The following PDE1C variants were observed in gnomAD, a reference collection of about 807,000 sequenced individuals.
The protein encoded by PDE1C is phosphodiesterase 1C, also known as dual specificity calcium/calmodulin-dependent 3',5'-cyclic nucleotide phosphodiesterase 1C.
Under a neutral mutation model 93.1 loss-of-function variants are expected in PDE1C, and 62 were observed. The ratio of observed to expected loss-of-function variants is 0.67; its 90% CI spans 0.54 to 0.82. PDE1C has a LOEUF of 0.82. Among genes scored for constraint, PDE1C ranks in the 40% least tolerant of loss-of-function variants. The probability of loss-of-function intolerance (pLI) is 0.00; values close to 1 mark genes in which losing one functional copy is unlikely to be tolerated. For missense variants in PDE1C, 742 were observed against 884.6 expected (o/e 0.84, Z 2.04); for synonymous variants, 325 against 310.1 (o/e 1.05, Z -0.50).
intron 17 of PDE1C, among the ~76,000 whole-genome samples, chr7:31,771,716 T>C (rs1181845444): frequency 6.6e-6 from 1 of 152,204 alleles, no homozygotes; most frequent in Non-Finnish European, 1.5e-5. Flanking sequence ...TCTTTTGATG[T>C]ATAAAAAGTT....
At chr7:31,626,717 T>C in the PDE1C span, among the ~76,000 whole-genome samples, 5 of 151,926 alleles carry the variant, frequency 3.3e-5, no homozygotes, top group Non-Finnish European at 7.3e-5. Flanking sequence ...CCAAAACTCT[T>C]GTTGTGGCAG....
At chr7:32,418,699 C>A (rs1415368753) in intron 1 of PDE1C, among the ~76,000 whole-genome samples, 1 of 152,160 alleles carries the variant, frequency 6.6e-6, no homozygotes, top group Non-Finnish European at 1.5e-5. Flanking sequence ...GAAGAAGGTA[C>A]TGAGTTATTA....
intron 1 of PDE1C, among the ~76,000 whole-genome samples, chr7:32,424,838 T>C (rs564450579): frequency 6.6e-6 from 1 of 151,726 alleles, no homozygotes; most frequent in East Asian, 1.9e-4. Context: ...AAAACTAAAA[T>C]AAAAATAAAT....
chr7:32,113,193 C>T (rs756746144), intron 3 of PDE1C, among the ~76,000 whole-genome samples: 34 of 133,292 alleles, frequency 2.6e-4, no homozygotes, highest in Non-Finnish European at 4.4e-4. Flanking sequence ...TAGTTCCACC[C>T]GAGGGAAGAG....
intron 2 of PDE1C, among the ~76,000 whole-genome samples, chr7:31,944,648 A>G (rs1408668797): frequency 6.6e-6 from 1 of 152,220 alleles, no homozygotes; most frequent in East Asian, 1.9e-4. Context: ...AACACCATAT[A>G]TCCCCTTAAA....
intron 3 of PDE1C, among the ~76,000 whole-genome samples, chr7:32,131,850 G>A (rs1799937000): frequency 6.6e-6 from 1 of 152,084 alleles, no homozygotes; most frequent in Non-Finnish European, 1.5e-5. Context: ...TGACAACAGA[G>A]ACTCTAACTT....
At chr7:32,363,220 AG>A (rs1358223871) in intron 1 of PDE1C, among the ~76,000 whole-genome samples, 1 of 152,236 alleles carries the variant, frequency 6.6e-6, no homozygotes, top group Non-Finnish European at 1.5e-5. Context: ...TCCTAGAACA[AG>A]CCAAAATGTA....
At chr7:31,984,787 T>C (rs1783147908) in intron 2 of PDE1C, among the ~76,000 whole-genome samples, 1 of 152,182 alleles carries the variant, frequency 6.6e-6, no homozygotes, top group African/African-American at 2.4e-5. Flanking sequence ...AACAAAAACA[T>C]TGACTGTTAA....
the PDE1C span, among the ~76,000 whole-genome samples, chr7:31,721,879 G>A: frequency 1.3e-5 from 2 of 152,184 alleles, no homozygotes; most frequent in Non-Finnish European, 2.9e-5. Flanking sequence ...TGTACCAGGT[G>A]CTTTCACCAA....
At chr7:31,782,897 G>A (rs1783537289) in intron 16 of PDE1C, among the ~76,000 whole-genome samples, 2 of 152,204 alleles carry the variant, frequency 1.3e-5, no homozygotes, top group African/African-American at 2.4e-5. Context: ...CCAACTCTGG[G>A]ATAATGTGTT....
intron 3 of PDE1C, among the ~76,000 whole-genome samples, chr7:32,125,003 AG>A (rs1475448129): frequency 6.6e-5 from 10 of 152,338 alleles, no homozygotes; most frequent in Admixed American, 2.6e-4. Context: ...AGAATTTACA[AG>A]GAACTTAAAC....
the PDE1C span, chr7:31,642,573 A>G: frequency 3.1e-6 from 3 of 980,684 alleles, no homozygotes; most frequent in Non-Finnish European, 4.4e-6. Flanking sequence ...TGATGTTGCA[A>G]CCCTTATCTC....
intron 16 of PDE1C, among the ~76,000 whole-genome samples, chr7:31,802,533 GAT>G (rs1786199389): frequency 6.6e-6 from 1 of 151,486 alleles, no homozygotes; most frequent in Non-Finnish European, 1.5e-5. Flanking sequence ...CTTTTGTACA[GAT>G]CTATATTTTC....
intron 2 of PDE1C, among the ~76,000 whole-genome samples, chr7:32,009,308 G>T (rs147102663): frequency 1.3e-5 from 2 of 152,234 alleles, no homozygotes; most frequent in Non-Finnish European, 2.9e-5. Context: ...ATGGAGTTGG[G>T]GTTCCAGGAA....
chr7:32,346,038 G>A (rs1783847724), intron 1 of PDE1C, among the ~76,000 whole-genome samples: 1 of 152,178 alleles, frequency 6.6e-6, no homozygotes, highest in South Asian at 2.1e-4. Flanking sequence ...ACTCACAAGT[G>A]AATATTCATA....
At chr7:31,726,500 G>GA in the PDE1C span, among the ~76,000 whole-genome samples, 241 of 152,278 alleles carry the variant, frequency 1.6e-3, 1 homozygote, top group Non-Finnish European at 3.8e-4. Context: ...TTCTCCTGCT[G>GA]AACAGGAACA....
chr7:31,726,119 C>T, the PDE1C span, among the ~76,000 whole-genome samples: 7 of 152,154 alleles, frequency 4.6e-5, no homozygotes, highest in South Asian at 4.2e-4. Context: ...CCTTGGCTGG[C>T]GTCCACTGGA....
At chr7:32,419,872 G>A (rs1057080516) in intron 1 of PDE1C, among the ~76,000 whole-genome samples, 10 of 151,100 alleles carry the variant, frequency 6.6e-5, no homozygotes, top group South Asian at 4.2e-4. Context: ...CATCCTGTCC[G>A]CTGTGTGACC....
At chr7:32,247,595 CAA>C (rs768456808) in intron 1 of PDE1C, among the ~76,000 whole-genome samples, 2 of 152,130 alleles carry the variant, frequency 1.3e-5, no homozygotes, top group Admixed American at 6.5e-5. Flanking sequence ...TTCAATGCTG[CAA>C]AAGTGTAGGC....
Sources: allele counts gnomAD v4.1 joint callset (sites outside exome capture counted in the v4.1 genomes callset), GRCh38; gene constraint gnomAD v4.1.1; transcripts MANE v1.5; gene names NCBI Gene and HGNC (gene_info 2026-07-23, HGNC 2026-07-21).